The following CRADD variants were observed in gnomAD, a reference collection of about 807,000 sequenced individuals.
The protein encoded by CRADD is CARD and death domain containing adaptor protein, also known as death domain-containing protein CRADD.
In CRADD, 9 loss-of-function variants were observed where a neutral mutation model predicts 15.5. That is an observed-to-expected ratio of 0.58 (90% CI 0.35 to 1.01). The LOEUF is 1.01. Ranked by LOEUF, CRADD falls within the 50% of genes least tolerant of loss-of-function variation. The pLI, the probability that CRADD is intolerant of heterozygous loss-of-function variation, is 0.02. For synonymous variants in CRADD, 118 were observed against 107.6 expected, an observed-to-expected ratio of 1.10 and a Z score of -0.60; for missense variants, 227 against 250.3, an observed-to-expected ratio of 0.91 and a Z score of 0.63.
chr12:93,892,112 C>A (rs1482421985), intron 2 of CRADD, among the ~76,000 whole-genome samples: 1 of 152,128 alleles, frequency 6.6e-6, no homozygotes, highest in Non-Finnish European at 1.5e-5. Context: ...TGCACAAAGA[C>A]CCCTGCTCTT....
intron 2 of CRADD, among the ~76,000 whole-genome samples, chr12:93,885,721 T>G (rs769712944): frequency 9.9e-5 from 15 of 152,120 alleles, no homozygotes; most frequent in South Asian, 2.1e-4. Context: ...GTTGTAAGGA[T>G]GAAAGAAGAT....
chr12:93,800,685 A>G (rs968963390), intron 2 of CRADD, among the ~76,000 whole-genome samples: 5 of 152,138 alleles, frequency 3.3e-5, no homozygotes, highest in Non-Finnish European at 5.9e-5. Flanking sequence ...CTGTGAGTCA[A>G]TTAAACCTCT....
At chr12:93,808,176 C>G (rs1259525462) in intron 2 of CRADD, among the ~76,000 whole-genome samples, 2 of 151,764 alleles carry the variant, frequency 1.3e-5, no homozygotes, top group Non-Finnish European at 2.9e-5. Context: ...TTCGCTCTAG[C>G]TCTCCCTCAC....
rs187224375 is a variant in CRADD at position 93,752,761 on chromosome 12, G to A, written c.298+73689G>A. The stretch of plus-strand genomic sequence containing the variant: ...CTCATAATCATGGCAGAAGGTGAAG[G>A]AAGAGTGTATTAGTCTGTTTTCATG... On this transcript the variant is annotated intron_variant, in intron 2 of 2. Transcript: ENST00000332896. 1.3e-4 allele frequency among the ~76,000 whole-genome samples: 20 copies of A among 152,292 alleles called. No homozygotes were observed. In the East Asian group the frequency reaches 2.3e-3, roughly 18 times the overall value.
At chr12:93,883,731 G>A (rs1264944925) in intron 2 of CRADD, among the ~76,000 whole-genome samples, 1 of 152,216 alleles carries the variant, frequency 6.6e-6, no homozygotes, top group Non-Finnish European at 1.5e-5. Flanking sequence ...TACTTGGAAG[G>A]CTGAGGCTGG....
intron 2 of CRADD, among the ~76,000 whole-genome samples, chr12:93,703,722 A>C (rs1955885097): frequency 6.6e-6 from 1 of 152,168 alleles, no homozygotes; most frequent in African/African-American, 2.4e-5. Flanking sequence ...TTGCAAAAAT[A>C]GTACTGAGAG....
At chr12:93,857,958 T>C (rs1404103732) in intron 2 of CRADD, among the ~76,000 whole-genome samples, 1 of 152,234 alleles carries the variant, frequency 6.6e-6, no homozygotes, top group African/African-American at 2.4e-5. Context: ...TCCAACAATA[T>C]ATTTTTGTCC....
chr12:93,802,168 T>G (rs1957483422), intron 2 of CRADD, among the ~76,000 whole-genome samples: 1 of 152,230 alleles, frequency 6.6e-6, no homozygotes, highest in African/African-American at 2.4e-5. Flanking sequence ...TGTGCATGTG[T>G]CTTTTTCATA....
chr12:93,747,788 G>A (rs912587407), intron 2 of CRADD, among the ~76,000 whole-genome samples: 1 of 152,102 alleles, frequency 6.6e-6, no homozygotes, highest in Non-Finnish European at 1.5e-5. Flanking sequence ...CCCTTTTAAT[G>A]CTAGGGCAAG....
intron 2 of CRADD, among the ~76,000 whole-genome samples, chr12:93,763,647 T>C (rs1956994450): frequency 1.3e-5 from 2 of 152,212 alleles, no homozygotes; most frequent in South Asian, 4.1e-4. Context: ...ATAAAGAGTA[T>C]TACCTACTTT....
At chr12:93,841,696 GCC>G (rs1338904150) in intron 2 of CRADD, among the ~76,000 whole-genome samples, 1 of 152,124 alleles carries the variant, frequency 6.6e-6, no homozygotes, top group Non-Finnish European at 1.5e-5. Flanking sequence ...GTTGGGCTTG[GCC>G]ACATATCTTG....
At chr12:93,826,102 A>G (rs1957820521) in intron 2 of CRADD, among the ~76,000 whole-genome samples, 1 of 152,244 alleles carries the variant, frequency 6.6e-6, no homozygotes, top group Non-Finnish European at 1.5e-5. Flanking sequence ...GGACTTCTGA[A>G]GCCAGAGATA....
chr12:93,751,639 C>T (rs760030430), intron 2 of CRADD, among the ~76,000 whole-genome samples: 3 of 152,224 alleles, frequency 2.0e-5, no homozygotes, highest in East Asian at 1.9e-4. Context: ...CGGAGGCAGG[C>T]GGATCACTTG....
intron 2 of CRADD, among the ~76,000 whole-genome samples, chr12:93,845,236 A>T (rs1958099564): frequency 6.6e-6 from 1 of 152,160 alleles, no homozygotes; most frequent in Non-Finnish European, 1.5e-5. Flanking sequence ...AGCCAACCTA[A>T]AGTTGTAGCT....
At chr12:93,800,570 C>T (rs947750594) in intron 2 of CRADD, among the ~76,000 whole-genome samples, 17 of 151,668 alleles carry the variant, frequency 1.1e-4, no homozygotes, top group African/African-American at 4.1e-4. Flanking sequence ...AAAAGTATGG[C>T]ACTTACTCCT....
chr12:93,892,892 G>A (rs1958586593), intron 2 of CRADD, among the ~76,000 whole-genome samples: 2 of 152,130 alleles, frequency 1.3e-5, no homozygotes, highest in Admixed American at 6.6e-5. Context: ...TATGGAAAAC[G>A]AAGCTGTTTT....
intron 2 of CRADD, among the ~76,000 whole-genome samples, chr12:93,779,662 C>T (rs570461814): frequency 2.6e-5 from 4 of 151,090 alleles, no homozygotes; most frequent in South Asian, 2.1e-4. Flanking sequence ...CAATCTCGGC[C>T]CACTGCAACC....
chr12:93,793,731 G>T (rs182920695), intron 2 of CRADD, among the ~76,000 whole-genome samples: 271 of 152,290 alleles, frequency 1.8e-3, no homozygotes, highest in African/African-American at 6.3e-3. Context: ...GGGATGAGGG[G>T]CAGATAATTG....
chr12:93,773,932 C>T (rs1409672818), intron 2 of CRADD, among the ~76,000 whole-genome samples: 1 of 146,000 alleles, frequency 6.8e-6, no homozygotes, highest in Non-Finnish European at 1.5e-5. Context: ...CACCTGGGCT[C>T]AATCGATCCT....
Sources: allele counts gnomAD v4.1 joint callset (sites outside exome capture counted in the v4.1 genomes callset), GRCh38; gene constraint gnomAD v4.1.1; transcripts MANE v1.5; gene names NCBI Gene and HGNC (gene_info 2026-07-23, HGNC 2026-07-21).